NR4A1: variants seen among roughly 807,000 people sequenced by gnomAD.
The protein encoded by NR4A1 is nuclear receptor subfamily 4 group A member 1.
In NR4A1, 24 loss-of-function variants were observed where a neutral mutation model predicts 47.5. The observed-to-expected ratio is 0.50, with a 90% CI of 0.37 to 0.71. The LOEUF is 0.71. Among genes scored for constraint, NR4A1 ranks in the 30% least tolerant of loss-of-function variants. NR4A1 has a pLI of 0.00. For synonymous variants in NR4A1, 353 were observed against 345.7 expected (o/e 1.02, Z -0.24); for missense variants, 669 against 788.6 (o/e 0.85, Z 1.82).
At chr12:52,054,305 C>T (rs1348470423) in intron 1 of NR4A1, 22 bp from the exon 2 acceptor site, 5 of 1,579,264 alleles carry the variant, frequency 3.2e-6, no homozygotes, top group East Asian at 2.2e-5. Context: ...CTTTCCCTCC[C>T]TGGGGTCTCC....
chr12:52,049,869 G>T (rs2269342), upstream of NR4A1, among the ~76,000 whole-genome samples: 29,971 of 151,954 alleles, frequency 0.2, 3,717 homozygotes, highest in Admixed American at 0.4. Flanking sequence ...AGAAGCGGGG[G>T]CTGGAGACAA....
rs543060621 is a variant in NR4A1 at position 52,033,214 on chromosome 12, C to T, written c.-83-8596C>T. Among the ~76,000 whole-genome samples the T allele has an allele frequency of 6.6e-4, 101 of 152,216 alleles. 1 individual carries two copies. The South Asian group carries it at 0.02, about 30-fold the overall frequency. Reference sequence around the variant, plus strand: ...GCCGCCCCCGGGAGCGCAGCTGGGGCTCGGCCCTGTTCCTTCCGGCCCGGC... The same window carrying T: ...GCCGCCCCCGGGAGCGCAGCTGGGGTTCGGCCCTGTTCCTTCCGGCCCGGC... On this transcript the variant is annotated intron_variant, in intron 1 of 7. Transcript: ENST00000360284.
intron 1 of NR4A1, among the ~76,000 whole-genome samples, chr12:52,027,333 T>G (rs1938019537): frequency 6.6e-6 from 1 of 152,266 alleles, no homozygotes; most frequent in Non-Finnish European, 1.5e-5. Context: ...CAGCTCGGGT[T>G]ACCCAGCTCT....
At chr12:52,042,908 C>T (rs1478492821) in intron 2 of NR4A1, among the ~76,000 whole-genome samples, 1 of 152,206 alleles carries the variant, frequency 6.6e-6, no homozygotes, top group African/African-American at 2.4e-5. Context: ...AGCAGCCCTC[C>T]CAGGCCTTGA....
chr12:52,056,812 C>G (rs915692681), intron 4 of NR4A1, 167 bp downstream of exon 4: 1 of 908,754 alleles, frequency 1.1e-6, no homozygotes, highest in African/African-American at 1.7e-5. Flanking sequence ...AAGAGAGGAT[C>G]CCCCTCTCGG....
rs781024328 is a variant in NR4A1 at position 52,058,806 on chromosome 12, A to G, written c.1659A>G (p.Ser553=). The G allele has an allele frequency of 1.9e-5, 31 of 1,613,426 alleles. No individual in the cohort carries two copies. The highest frequency in any genetic ancestry group is 2.6e-5 in the Non-Finnish European group (31 of 1,179,916). The change falls in exon 7 of 7, where the codon TCA becomes TCG. Residue 553 remains serine, a synonymous_variant. Coordinates refer to ENST00000394825, the MANE Select transcript of NR4A1 (RefSeq NM_173157.3). ...AGCCCCAGCCAGCCAGCTGCCTGTCACGTCTGTTGGGCAAACTGCCCGAGC... is the reference window on the plus strand; with the variant it reads ...AGCCCCAGCCAGCCAGCTGCCTGTCGCGTCTGTTGGGCAAACTGCCCGAGC... The part of the protein sequence containing the change: ...AGEPQPASCL[S]RLLGKLPELR...
intron 1 of NR4A1, chr12:52,037,246 C>A: frequency 2.2e-6 from 1 of 448,122 alleles, no homozygotes; most frequent in Non-Finnish European, 2.9e-6. Context: ...GCGGGGGGCG[C>A]TGAGCGGCTG....
chr12:52,038,620 A>G (rs1176073269), intron 1 of NR4A1: 1 of 702,350 alleles, frequency 1.4e-6, no homozygotes, highest in East Asian at 2.6e-5. Context: ...TCCTAGATCT[A>G]CTCCAAGTGA....
intron 2 of NR4A1, among the ~76,000 whole-genome samples, chr12:52,045,996 A>G (rs1252826477): frequency 6.6e-6 from 1 of 152,198 alleles, no homozygotes; most frequent in African/African-American, 2.4e-5. Context: ...CCTGGGGCCG[A>G]GGAGGGGAAG....
intron 1 of NR4A1, chr12:52,038,895 G>A (rs1167601368): frequency 6.4e-6 from 4 of 624,874 alleles, no homozygotes; most frequent in Non-Finnish European, 1.2e-5. Flanking sequence ...CAGGCCCTTA[G>A]CTTCTGCCCT....
Position 52,055,859 on chromosome 12 carries a change from C to A in NR4A1, c.877-171C>A, listed in dbSNP as rs889068842. 9 of 469,214 alleles carry A rather than the reference C, an allele frequency of 1.9e-5. No individual in the cohort carries two copies. In the South Asian group the frequency reaches 3.5e-4, roughly 18 times the overall value. The allele number at this position is 469,214 out of a possible 1,614,324, so 29.1% of individuals were successfully genotyped here. ...ATGTCTTCAAGACTTTTCTCTCCCC[C>A]CGCCCAACCCCGTCTCTCCCTCCCT... On this transcript the variant is annotated intron_variant, in intron 2 of 6. Transcript: ENST00000394825.
exon 2 of NR4A1, chr12:52,041,914 T>C: frequency 6.7e-7 from 1 of 1,492,104 alleles, no homozygotes; most frequent in Non-Finnish European, 8.9e-7. Context: ...CAAGGCCTGT[T>C]GGTCCATCCA....
rs1939130971 is a variant in NR4A1 at position 52,054,361 on chromosome 12, A to G, written c.33A>G (p.Pro11=). 1 of 1,613,088 alleles carries G rather than the reference A, an allele frequency of 6.2e-7. No homozygotes were observed. The highest frequency in any genetic ancestry group is 8.5e-7 in the Non-Finnish European group (1 of 1,179,578). Residue 11 remains proline (P), a synonymous_variant, in exon 2 of 7, where the codon CCA becomes CCG. Coordinates refer to ENST00000394825, the MANE Select transcript of NR4A1 (RefSeq NM_173157.3). Reference sequence around the variant, plus strand: ...GTATCCAAGCCCAATATGGGACACCAGCACCGAGTCCGGGACCCCGTGACC... The same window carrying G: ...GTATCCAAGCCCAATATGGGACACCGGCACCGAGTCCGGGACCCCGTGACC... MPCIQAQYGT[P]APSPGPRDHL... is the part of the protein sequence containing the mutation.
At chr12:52,023,016 T>TA (rs1303515722) in intron 1 of NR4A1, 4 of 152,146 alleles carry the variant, frequency 2.6e-5, no homozygotes, top group African/African-American at 9.7e-5. Flanking sequence ...TCTGGCTGGG[T>TA]ATCGCCAGTG....
At chr12:52,033,896 T>G (rs2603763) in intron 1 of NR4A1, among the ~76,000 whole-genome samples, 37,270 of 152,204 alleles carry the variant, frequency 0.24, 7,502 homozygotes, top group African/African-American at 0.56. Flanking sequence ...GCCCCTTCTC[T>G]GCCCAAATGC....
intron 1 of NR4A1, among the ~76,000 whole-genome samples, chr12:52,023,370 G>T (rs980091752): frequency 5.3e-5 from 8 of 152,150 alleles, no homozygotes; most frequent in Non-Finnish European, 1.0e-4. Context: ...GCGTGCCGCC[G>T]CCGCGAGTGG....
rs779318877 is a variant in NR4A1 at position 52,057,102 on chromosome 12, G to A, written c.1204G>A (p.Asp402Asn). Residue 402 changes from aspartate to asparagine, a missense_variant, in exon 5 of 7, where the codon GAT (aspartate) becomes AAT (asparagine). By Grantham distance (23) the Asp-to-Asn change is conservative. Coordinates refer to ENST00000394825, the MANE Select transcript of NR4A1 (RefSeq NM_173157.3). The stretch of plus-strand genomic sequence containing the variant: ...CCACTTTGGGAAGGAAGATGCTGGG[G>A]ATGTACAGCAGTTCTACGACCTGCT... ...LPHFGKEDAG[D>N]VQQFYDLLSG... The A allele has an allele frequency of 6.2e-7, 1 of 1,612,422 alleles. No individual in the cohort carries two copies.
At chr12:52,057,607 C>T in intron 6 of NR4A1, 77 bp downstream of exon 6, 2 of 1,549,592 alleles carry the variant, frequency 1.3e-6, no homozygotes, top group Non-Finnish European at 1.8e-6. Flanking sequence ...GGCACTGTCC[C>T]AGGGAGTTTG....
At chr12:52,035,306 A>G (rs1449236801) in intron 1 of NR4A1, among the ~76,000 whole-genome samples, 3 of 152,264 alleles carry the variant, frequency 2.0e-5, no homozygotes, top group Non-Finnish European at 4.4e-5. Context: ...AATATATAAT[A>G]AAGACAAGTT....
Sources: gnomAD v4.1 joint callset for allele counts (sites outside exome capture counted in the v4.1 genomes callset) on GRCh38, gnomAD v4.1.1 for gene constraint, MANE v1.5 for transcripts, NCBI Gene and HGNC (gene_info 2026-07-23, HGNC 2026-07-21) for gene names.